Variants in ELMO1 observed in about 807,000 individuals in gnomAD.
ELMO1 encodes the protein engulfment and cell motility protein 1.
A neutral mutation model predicts 98.9 loss-of-function variants in ELMO1; 26 were observed. The observed-to-expected ratio is 0.26, with a 90% confidence interval of 0.19 to 0.36. ELMO1 has a LOEUF of 0.36. Ranked by LOEUF, ELMO1 falls within the 10% of genes least tolerant of loss-of-function variation. The pLI, the probability that ELMO1 is intolerant of heterozygous loss-of-function variation, is 1.00. For synonymous variants in ELMO1, 346 were observed against 346.0 expected (o/e 1.00, Z 0.00); for missense variants, 627 against 935.2 (o/e 0.67, Z 4.30).
rs1802013128 is a variant in ELMO1 at position 36,853,852 on chromosome 7, TG to T, written c.*1698del. 6.6e-6 allele frequency among the ~76,000 whole-genome samples: 1 copy of T among 152,214 alleles called. No individual in the cohort carries two copies. Among genetic ancestry groups the T allele is most frequent in the Non-Finnish European group, 1.5e-5 (1 of 68,052 alleles). ...TTTACAATCCTGATAATGCCTCCAG[TG>T]CAAATGACTTAAGAAACATCCTTCG... On this transcript the variant is annotated 3_prime_UTR_variant, in exon 22 of 22. Transcript: ENST00000310758.
intron 4 of ELMO1, among the ~76,000 whole-genome samples, chr7:37,296,000 A>G (rs1454150801): frequency 6.6e-6 from 1 of 152,232 alleles, no homozygotes; most frequent in African/African-American, 2.4e-5. Flanking sequence ...CCATTGCTGT[A>G]TAACAAATTA....
At chr7:36,982,926 C>T (rs1049977623) in intron 16 of ELMO1, among the ~76,000 whole-genome samples, 4 of 152,236 alleles carry the variant, frequency 2.6e-5, no homozygotes, top group Admixed American at 6.5e-5. Flanking sequence ...CAAACTCTGA[C>T]GAACACAGTT....
At chr7:36,915,429 T>C (rs750200468) in intron 16 of ELMO1, among the ~76,000 whole-genome samples, 47 of 152,000 alleles carry the variant, frequency 3.1e-4, no homozygotes, top group Non-Finnish European at 5.0e-4. Flanking sequence ...GATTTCATAC[T>C]GTAAAGGATT....
chr7:37,312,406 T>C (rs1798934991), intron 4 of ELMO1, among the ~76,000 whole-genome samples: 1 of 152,210 alleles, frequency 6.6e-6, no homozygotes, highest in East Asian at 1.9e-4. Flanking sequence ...TAAATTGAAC[T>C]TTGTGCACAA....
At chr7:37,089,040 T>C (rs1390459158) in intron 15 of ELMO1, among the ~76,000 whole-genome samples, 1 of 152,224 alleles carries the variant, frequency 6.6e-6, no homozygotes, top group African/African-American at 2.4e-5. Context: ...TAAAAGCTAA[T>C]TTTCTTGAGT....
intron 16 of ELMO1, among the ~76,000 whole-genome samples, chr7:36,930,245 A>G (rs1206536245): frequency 6.6e-6 from 1 of 152,200 alleles, no homozygotes; most frequent in Non-Finnish European, 1.5e-5. Flanking sequence ...TTTGGGCCCA[A>G]TGTAGTTATG....
intron 14 of ELMO1, among the ~76,000 whole-genome samples, chr7:37,097,531 C>T (rs1304668850): frequency 6.6e-6 from 1 of 151,384 alleles, no homozygotes; most frequent in Admixed American, 6.6e-5. Flanking sequence ...TTGCAGTGAG[C>T]CAAGATAGTG....
At chr7:37,373,315 A>C (rs1802192616) in intron 1 of ELMO1, among the ~76,000 whole-genome samples, 1 of 152,206 alleles carries the variant, frequency 6.6e-6, no homozygotes, top group Non-Finnish European at 1.5e-5. Flanking sequence ...CATTAAAAGA[A>C]TTACAAGGTG....
intron 2 of ELMO1, among the ~76,000 whole-genome samples, chr7:37,330,708 C>T (rs1800055896): frequency 6.6e-6 from 1 of 152,216 alleles, no homozygotes. Flanking sequence ...TTCTTCCTCA[C>T]AATTTCACAG....
intron 1 of ELMO1, among the ~76,000 whole-genome samples, chr7:37,362,929 T>A (rs1583627462): frequency 6.6e-6 from 1 of 152,290 alleles, no homozygotes; most frequent in East Asian, 1.9e-4. Context: ...GGTTCTCTCT[T>A]CCCTTGCCAC....
At chr7:37,044,642 T>C (rs567843734) in intron 15 of ELMO1, among the ~76,000 whole-genome samples, 2 of 152,324 alleles carry the variant, frequency 1.3e-5, no homozygotes, top group African/African-American at 2.4e-5. Flanking sequence ...GAGGTCAGTC[T>C]GCTGGTCTTT....
At chr7:37,030,553 GTGTGTATATACTCT>G (rs1794825242) in intron 15 of ELMO1, among the ~76,000 whole-genome samples, 1 of 152,074 alleles carries the variant, frequency 6.6e-6, no homozygotes, top group African/African-American at 2.4e-5. Context: ...ATTCTATCGA[GTGTGTATATACTCT>G]TGTGGATTCC....
intron 4 of ELMO1, among the ~76,000 whole-genome samples, chr7:37,275,301 G>C (rs1333805273): frequency 1.3e-5 from 2 of 152,224 alleles, no homozygotes; most frequent in African/African-American, 4.8e-5. Context: ...AGGAGGGCTG[G>C]AAAAGTTCCG....
At chr7:37,240,181 C>T (rs1430323606) in intron 7 of ELMO1, among the ~76,000 whole-genome samples, 3 of 151,742 alleles carry the variant, frequency 2.0e-5, no homozygotes, top group Non-Finnish European at 4.4e-5. Flanking sequence ...GGGACTACAG[C>T]CACAAGGCGT....
At chr7:37,307,516 G>C (rs370503901) in intron 4 of ELMO1, among the ~76,000 whole-genome samples, 196 of 152,218 alleles carry the variant, frequency 1.3e-3, no homozygotes, top group Middle Eastern at 6.8e-3. Flanking sequence ...CCCAGTCTCA[G>C]GTATGTCCTT....
intron 10 of ELMO1, among the ~76,000 whole-genome samples, chr7:37,220,700 T>C (rs897593497): frequency 6.6e-6 from 1 of 152,156 alleles, no homozygotes; most frequent in Non-Finnish European, 1.5e-5. Context: ...TAGTGTTTGG[T>C]ATAAAATAAG....
At chr7:37,044,595 C>T (rs1024979140) in intron 15 of ELMO1, among the ~76,000 whole-genome samples, 1 of 152,208 alleles carries the variant, frequency 6.6e-6, no homozygotes, top group Non-Finnish European at 1.5e-5. Context: ...GTGCCTGCTT[C>T]ACTGTCTCCC....
At chr7:37,332,285 T>G (rs1800174129) in intron 2 of ELMO1, among the ~76,000 whole-genome samples, 1 of 152,260 alleles carries the variant, frequency 6.6e-6, no homozygotes, top group South Asian at 2.1e-4. Flanking sequence ...TCATTCCTGT[T>G]CATGTATTAT....
chr7:37,160,825 G>A (rs1431552319), intron 13 of ELMO1, among the ~76,000 whole-genome samples: 1 of 152,122 alleles, frequency 6.6e-6, no homozygotes, highest in South Asian at 2.1e-4. Flanking sequence ...GTCTTCATCA[G>A]GTAAGAGGCT....
Sources: gnomAD v4.1 joint callset for allele counts (sites outside exome capture counted in the v4.1 genomes callset) on GRCh38, gnomAD v4.1.1 for gene constraint, MANE v1.5 for transcripts, NCBI Gene and HGNC (gene_info 2026-07-23, HGNC 2026-07-21) for gene names.